Variants in SGK3 observed in about 807,000 individuals in gnomAD.
The protein encoded by SGK3 is serine/threonine-protein kinase Sgk3.
A neutral mutation model predicts 68.5 loss-of-function variants in SGK3; 47 were observed. The observed-to-expected ratio is 0.69, with a 90% CI of 0.54 to 0.87. The LOEUF is 0.87. Ranked by LOEUF, SGK3 falls within the 40% of genes least tolerant of loss-of-function variation. The pLI, the probability that SGK3 is intolerant of heterozygous loss-of-function variation, is 0.00. For synonymous variants in SGK3, 181 were observed against 189.1 expected (o/e 0.96, Z 0.35); for missense variants, 479 against 575.5 (o/e 0.83, Z 1.72).
intron 8 of SGK3, among the ~76,000 whole-genome samples, chr8:66,831,583 C>T (rs897975716): frequency 1.3e-5 from 2 of 152,184 alleles, no homozygotes; most frequent in Admixed American, 1.3e-4. Flanking sequence ...AAGTGATCCT[C>T]CCACCTTGGC....
At chr8:66,780,965 G>GGTTTT (rs748897085) in intron 1 of SGK3, among the ~76,000 whole-genome samples, 26 of 152,072 alleles carry the variant, frequency 1.7e-4, no homozygotes, top group Non-Finnish European at 2.5e-4. Context: ...TGTCTTTGTG[G>GGTTTT]GTTTTGTTTT....
intron 1 of SGK3, among the ~76,000 whole-genome samples, chr8:66,752,772 C>T (rs530755824): frequency 4.6e-5 from 7 of 152,082 alleles, no homozygotes; most frequent in African/African-American, 9.6e-5. Context: ...CTGATGTTTT[C>T]GGCGAGACAA....
At chr8:66,842,337 C>T (rs575426604) in intron 13 of SGK3, among the ~76,000 whole-genome samples, 1 of 151,712 alleles carries the variant, frequency 6.6e-6, no homozygotes, top group Non-Finnish European at 1.5e-5. Context: ...TCTCCTGCCT[C>T]AGCCCCCCGA....
At chr8:66,842,863 G>A (rs1809852538) in intron 13 of SGK3, among the ~76,000 whole-genome samples, 1 of 152,104 alleles carries the variant, frequency 6.6e-6, no homozygotes, top group Non-Finnish European at 1.5e-5. Flanking sequence ...GAGCCCAGAA[G>A]TTCCAGACCA....
rs201076136 is a variant in SGK3 at position 66,834,047 on chromosome 8, AT to A, written c.526-1715del. 3.3e-3 allele frequency among the ~76,000 whole-genome samples: 500 copies of A among 152,318 alleles called. 6 individuals are homozygous for A. Among genetic ancestry groups the A allele is most frequent in the African/African-American group, 0.011 (437 of 41,572 alleles). On this transcript the variant is annotated intron_variant, in intron 8 of 16. Coordinates refer to ENST00000521198, the MANE Select transcript of SGK3 (RefSeq NM_001033578.3). The stretch of plus-strand genomic sequence containing the variant: ...GGTGTTAATTCTTGAAGCTGAATAT[AT>A]GCGTTACCTATGACACATTGGTTCT...
intron 3 of SGK3, 122 bp from the exon 4 acceptor site, chr8:66,804,253 A>G (rs1808064920): frequency 1.2e-6 from 1 of 834,670 alleles, no homozygotes; most frequent in South Asian, 2.0e-5. Context: ...GGATGATCAT[A>G]AATTCAAAAG....
At chr8:66,824,707 CCAGT>C (rs899388063) in intron 6 of SGK3, among the ~76,000 whole-genome samples, 5 of 152,256 alleles carry the variant, frequency 3.3e-5, no homozygotes, top group Middle Eastern at 3.4e-3. Context: ...TAAATATTGA[CCAGT>C]CACTTAGTGT....
chr8:66,735,190 A>G (rs1288440635), intron 1 of SGK3, among the ~76,000 whole-genome samples: 2 of 152,220 alleles, frequency 1.3e-5, no homozygotes, highest in African/African-American at 2.4e-5. Context: ...CGATCTTGGA[A>G]TGTATCCTGA....
chr8:66,800,780 CT>C (rs1181497192), intron 3 of SGK3, among the ~76,000 whole-genome samples: 1 of 151,808 alleles, frequency 6.6e-6, no homozygotes, highest in Non-Finnish European at 1.5e-5. Context: ...TTATTTTTGC[CT>C]ATGTAAAATT....
In SGK3 at chr8:66,785,301, T is replaced by C. The variant is rs141389976; in HGVS notation, c.-121-8315T>C. On this transcript the variant is annotated intron_variant, in intron 1 of 16. Transcript: ENST00000521198. ...GCTTTCACCCACAGCCACGTGACCA[T>C]GTGGAACTACTCTTCGTAGCTGAGG... Among the ~76,000 whole-genome samples, 18 of 152,358 alleles carry C rather than the reference T, an allele frequency of 1.2e-4. No homozygotes were observed. In the East Asian group the frequency reaches 2.3e-3, roughly 20 times the overall value.
chr8:66,780,578 C>T (rs1022661186), intron 1 of SGK3, among the ~76,000 whole-genome samples: 1 of 152,130 alleles, frequency 6.6e-6, no homozygotes, highest in Non-Finnish European at 1.5e-5. Flanking sequence ...GACAGAGGGG[C>T]CACTGGTACA....
chr8:66,815,798 T>C (rs549125534), intron 5 of SGK3, among the ~76,000 whole-genome samples: 1 of 152,330 alleles, frequency 6.6e-6, no homozygotes, highest in Admixed American at 6.5e-5. Context: ...ATTATAAAGA[T>C]GTTATATTTG....
At chr8:66,822,781 G>A (rs1808897851) in intron 6 of SGK3, among the ~76,000 whole-genome samples, 1 of 152,034 alleles carries the variant, frequency 6.6e-6, no homozygotes, top group African/African-American at 2.4e-5. Flanking sequence ...ACCATGCCTG[G>A]CTAATTTTTG....
intron 1 of SGK3, among the ~76,000 whole-genome samples, chr8:66,763,802 A>C (rs936921714): frequency 1.2e-4 from 18 of 152,032 alleles, no homozygotes; most frequent in Non-Finnish European, 5.9e-5. Flanking sequence ...TTTCTCCTAC[A>C]TCAGAATTCC....
chr8:66,750,913 G>T (rs1452647472), intron 1 of SGK3, among the ~76,000 whole-genome samples: 1 of 149,190 alleles, frequency 6.7e-6, no homozygotes, highest in African/African-American at 2.5e-5. Context: ...AGGCTGAGGT[G>T]GGAGGATTGC....
intron 5 of SGK3, among the ~76,000 whole-genome samples, chr8:66,816,697 C>T (rs911648644): frequency 3.9e-5 from 6 of 152,044 alleles, no homozygotes; most frequent in South Asian, 2.1e-4. Context: ...TTAATTTTCA[C>T]GCTCTTCATT....
At chr8:66,755,452 C>G (rs1466696595) in intron 1 of SGK3, among the ~76,000 whole-genome samples, 1 of 152,088 alleles carries the variant, frequency 6.6e-6, no homozygotes, top group Non-Finnish European at 1.5e-5. Context: ...GTGGAATATT[C>G]CACTTGTGGC....
In SGK3 at chr8:66,798,586, C is replaced by A. The variant is rs753482896; in HGVS notation, c.141C>A (p.Val47=). 1 of 1,611,218 alleles carries A rather than the reference C, an allele frequency of 6.2e-7. No homozygotes were observed. Among genetic ancestry groups the A allele is most frequent in the African/African-American group, 1.3e-5 (1 of 74,904 alleles). ...LVSVGRSEWF[V]FRRYAEFDKL... is the part of the protein sequence containing the mutation. ...CAGTGGGAAGAAGTGAATGGTTTGTCTTCAGGAGATATGCAGAGTTTGATA... is the reference window on the plus strand; with the variant it reads ...CAGTGGGAAGAAGTGAATGGTTTGTATTCAGGAGATATGCAGAGTTTGATA... The change falls in exon 3 of 17, where the codon GTC becomes GTA. Residue 47 remains valine, a synonymous_variant. Transcript: ENST00000521198.
At chr8:66,761,719 A>G (rs1307975785) in intron 1 of SGK3, among the ~76,000 whole-genome samples, 1 of 152,070 alleles carries the variant, frequency 6.6e-6, no homozygotes, top group Non-Finnish European at 1.5e-5. Context: ...CAGTGAGCTG[A>G]GATTGCATCT....
Sources: allele counts gnomAD v4.1 joint callset (sites outside exome capture counted in the v4.1 genomes callset), GRCh38; gene constraint gnomAD v4.1.1; transcripts MANE v1.5; gene names NCBI Gene and HGNC (gene_info 2026-07-23, HGNC 2026-07-21).